The following KDM2A variants were observed in gnomAD, a reference collection of about 807,000 sequenced individuals.
The protein encoded by KDM2A is lysine demethylase 2A, also known as lysine-specific demethylase 2A.
KDM2A carries 3 observed loss-of-function variants against 137.3 expected under a neutral mutation model. That is an observed-to-expected ratio of 0.02 (90% CI 0.01 to 0.06). The LOEUF (loss-of-function observed/expected upper bound fraction) is 0.06, where lower values mean the gene tolerates loss of function less well. KDM2A is among the 10% of genes least tolerant of loss of function. The probability of loss-of-function intolerance (pLI) is 1.00; values close to 1 mark genes in which losing one functional copy is unlikely to be tolerated. For missense variants in KDM2A, 738 were observed against 1,510.6 expected, an observed-to-expected ratio of 0.49 and a Z score of 8.48; for synonymous variants, 512 against 541.5, an observed-to-expected ratio of 0.95 and a Z score of 0.76.
Position 67,245,510 on chromosome 11 carries a change from G to C in KDM2A, c.1833+52G>C. ...TTGGGGAGGGGTGGCAGTGCCAAAG[G>C]AACTGAAATACATATAGTGTAGAGT... is the stretch of plus-strand genomic sequence containing the variant. On this transcript the variant is annotated intron_variant, in intron 14 of 20. Transcript: ENST00000529006. The surrounding 1 kb of genome is among the most constrained non-coding windows in gnomAD (Gnocchi z 4.1). 1.3e-6 allele frequency: 2 copies of C among 1,585,380 alleles called. No individual in the cohort carries two copies. Among genetic ancestry groups the C allele is most frequent in the Non-Finnish European group, 1.7e-6 (2 of 1,157,638 alleles).
intron 2 of KDM2A, among the ~76,000 whole-genome samples, chr11:67,125,942 C>CA (rs59801773): frequency 0.023 from 1,139 of 50,064 alleles, 14 homozygotes; most frequent in South Asian, 0.077. Context: ...GGCTTCACCT[C>CA]AAAAAAAAAA....
intron 12 of KDM2A, among the ~76,000 whole-genome samples, chr11:67,242,787 A>G (rs1859087119): frequency 6.6e-6 from 1 of 152,098 alleles, no homozygotes; most frequent in South Asian, 2.1e-4. Flanking sequence ...CCCAGCCTCA[A>G]AGTTTTGATA....
chr11:67,247,304 G>T (rs1318417118), intron 15 of KDM2A, among the ~76,000 whole-genome samples: 1 of 149,354 alleles, frequency 6.7e-6, no homozygotes, highest in Admixed American at 6.7e-5. Flanking sequence ...TGGCCAGGCC[G>T]GTCTCGAACT....
intron 12 of KDM2A, chr11:67,240,254 C>G (rs761347077): frequency 1.2e-4 from 190 of 1,535,416 alleles, no homozygotes; most frequent in Admixed American, 1.8e-4. Context: ...CCGGATTTTC[C>G]CAGAGGCAGA....
chr11:67,196,741 CAT>C, intron 5 of KDM2A: 1 of 288,646 alleles, frequency 3.5e-6, no homozygotes, highest in Admixed American at 4.9e-5. Context: ...TTAAAACGGC[CAT>C]AGTTTCAGTT....
intron 5 of KDM2A, among the ~76,000 whole-genome samples, chr11:67,185,526 G>A (rs898726406): frequency 2.0e-5 from 3 of 151,922 alleles, no homozygotes; most frequent in African/African-American, 7.3e-5. Flanking sequence ...CTACTTGGGA[G>A]GGCTCAGGTA....
rs572063174 is a variant in KDM2A at position 67,140,702 on chromosome 11, A to G, written c.42+19344A>G. ...CGTGAGGCGGAGGTTGCAGTGAGCC[A>G]AGATTGTGCCATTGCACTCCAGCCT... is the stretch of plus-strand genomic sequence containing the variant. On this transcript the variant is annotated intron_variant, in intron 2 of 20. Coordinates refer to ENST00000529006, the MANE Select transcript of KDM2A (RefSeq NM_012308.3). 3.9e-5 allele frequency among the ~76,000 whole-genome samples: 6 copies of G among 152,202 alleles called. No homozygotes were observed. The East Asian group carries it at 1.2e-3, about 29-fold the overall frequency.
Position 67,245,073 on chromosome 11 carries a change from G to T in KDM2A, c.1564-116G>T. 4 of 1,062,276 alleles carry T rather than the reference G, an allele frequency of 3.8e-6. No individual in the cohort carries two copies. Among genetic ancestry groups the T allele is most frequent in the Middle Eastern group, 4.2e-4 (2 of 4,720 alleles). The allele number at this position is 1,062,276 out of a possible 1,614,324, so 65.8% of individuals were successfully genotyped here. On this transcript the variant is annotated intron_variant, in intron 13 of 20. Coordinates refer to ENST00000529006, the MANE Select transcript of KDM2A (RefSeq NM_012308.3). This position sits in a 1 kb window ranked among gnomAD's most constrained non-coding sequence, Gnocchi z 4.1. ...AATTTATTCTAGAAACAAGCAGTGG[G>T]CAGATCTGGCCATAGTGGGCCAAGC...
At chr11:67,154,854 T>C (rs1041375623) in intron 2 of KDM2A, among the ~76,000 whole-genome samples, 6 of 152,358 alleles carry the variant, frequency 3.9e-5, no homozygotes, top group African/African-American at 1.2e-4. Context: ...GCATCTTATT[T>C]CTTTTTATGG....
At chr11:67,186,406 G>A (rs1382976763) in intron 5 of KDM2A, among the ~76,000 whole-genome samples, 2 of 152,132 alleles carry the variant, frequency 1.3e-5, no homozygotes, top group Non-Finnish European at 2.9e-5. Flanking sequence ...CCTATATCTG[G>A]CAAAACTGTC....
chr11:67,125,709 G>C (rs2136278370), intron 2 of KDM2A, among the ~76,000 whole-genome samples: 1 of 149,396 alleles, frequency 6.7e-6, no homozygotes, highest in Middle Eastern at 3.6e-3. Flanking sequence ...AACCTGGGAG[G>C]TGGAGGTTGC....
intron 2 of KDM2A, among the ~76,000 whole-genome samples, chr11:67,179,374 AG>A (rs1214948240): frequency 2.0e-5 from 3 of 152,176 alleles, no homozygotes; most frequent in Non-Finnish European, 4.4e-5. Flanking sequence ...CCCAGGTTCA[AG>A]CGATTCTCCT....
chr11:67,213,245 T>A (rs1023431355), intron 6 of KDM2A, among the ~76,000 whole-genome samples: 2 of 152,214 alleles, frequency 1.3e-5, no homozygotes, highest in Non-Finnish European at 2.9e-5. Context: ...AATACGTAGA[T>A]GTTGTTACAA....
Position 67,254,737 on chromosome 11 carries a change from TG to T in KDM2A, c.3308-135del. On this transcript the variant is annotated intron_variant, in intron 20 of 20. Coordinates refer to ENST00000529006, the MANE Select transcript of KDM2A (RefSeq NM_012308.3). The surrounding 1 kb of genome is among the most constrained non-coding windows in gnomAD (Gnocchi z 4.7). The stretch of plus-strand genomic sequence containing the variant: ...CCTTTGGAGGTGCTGATGGCACTTC[TG>T]GTCTCTGAGCCAGGTAGTTGTGGGA... The T allele has an allele frequency of 1.3e-6, 1 of 780,636 alleles. No individual in the cohort carries two copies. Among genetic ancestry groups the T allele is most frequent in the Non-Finnish European group, 2.1e-6 (1 of 486,210 alleles). The allele number at this position is 780,636 out of a possible 1,614,324, so 48.4% of individuals were successfully genotyped here. A position where few individuals can be genotyped will look rare whatever the true frequency, so the allele number is the denominator to read the frequency against.
At chr11:67,251,117 C>T (rs1859411576) in intron 17 of KDM2A, among the ~76,000 whole-genome samples, 1 of 151,688 alleles carries the variant, frequency 6.6e-6, no homozygotes, top group South Asian at 2.1e-4. Flanking sequence ...CTGAAAATTT[C>T]CTCCTCAAGT....
intron 2 of KDM2A, among the ~76,000 whole-genome samples, chr11:67,151,522 G>A (rs1347591968): frequency 1.3e-5 from 2 of 151,846 alleles, no homozygotes; most frequent in Non-Finnish European, 2.9e-5. Flanking sequence ...CTAATTTTTT[G>A]TATTTTTAGT....
rs2136272416 is a variant in KDM2A at position 67,119,468 on chromosome 11, G to A, written c.-665G>A. 6.5e-6 allele frequency: 1 copy of A among 153,546 alleles called. No individual in the cohort carries two copies. The highest frequency in any genetic ancestry group is 2.4e-5 in the African/African-American group (1 of 41,542). 9.5% of individuals were successfully genotyped at this position (153,546 alleles called of 1,614,324 possible). A position where few individuals can be genotyped will look rare whatever the true frequency, so the allele number is the denominator to read the frequency against. On this transcript the variant is annotated 5_prime_UTR_variant, in exon 1 of 21. Transcript: ENST00000529006. ...GCAACGCCAGGGGGCCCATCCCCCG[G>A]AATCCCTCTTCTGCGACTGGGGAGT...
At chr11:67,174,028 C>A (rs1351758640) in intron 2 of KDM2A, among the ~76,000 whole-genome samples, 2 of 152,196 alleles carry the variant, frequency 1.3e-5, no homozygotes, top group African/African-American at 4.8e-5. Context: ...GAGGCCACGG[C>A]AGGCAAATCA....
intron 2 of KDM2A, among the ~76,000 whole-genome samples, chr11:67,135,035 A>G (rs1406117834): frequency 2.0e-5 from 3 of 152,006 alleles, no homozygotes; most frequent in Admixed American, 6.6e-5. Flanking sequence ...CTGTCTAGAC[A>G]TCAGTCATTA....
Sources: gnomAD v4.1 joint callset for allele counts (sites outside exome capture counted in the v4.1 genomes callset) on GRCh38, gnomAD v4.1.1 for gene constraint, Gnocchi (gnomAD v3.1) non-coding constraint, MANE v1.5 for transcripts, NCBI Gene and HGNC (gene_info 2026-07-23, HGNC 2026-07-21) for gene names.